The following TRIM44 variants were observed in gnomAD, a reference collection of about 807,000 sequenced individuals.
TRIM44 encodes tripartite motif-containing protein 44.
Under a neutral mutation model 37.4 loss-of-function variants are expected in TRIM44, and 13 were observed. The observed-to-expected ratio is 0.35, with a 90% CI of 0.23 to 0.55. The LOEUF is 0.55. TRIM44 is among the 20% of genes least tolerant of loss of function. The pLI is 0.89. For synonymous variants in TRIM44, 175 were observed against 157.2 expected (o/e 1.11, Z -0.85); for missense variants, 426 against 437.2 (o/e 0.97, Z 0.23).
At chr11:35,684,139 C>T (rs1197968794) in intron 1 of TRIM44, among the ~76,000 whole-genome samples, 1 of 152,076 alleles carries the variant, frequency 6.6e-6, no homozygotes, top group Non-Finnish European at 1.5e-5. Context: ...AGTCTGTGCT[C>T]TAAATCTGTA....
intron 2 of TRIM44, among the ~76,000 whole-genome samples, chr11:35,710,256 G>T (rs1034284288): frequency 5.9e-5 from 9 of 152,256 alleles, no homozygotes; most frequent in African/African-American, 2.2e-4. Context: ...TATATATAGA[G>T]AGAGAGCTTT....
intron 4 of TRIM44, among the ~76,000 whole-genome samples, chr11:35,800,877 C>G (rs1308502030): frequency 6.6e-6 from 1 of 152,178 alleles, no homozygotes; most frequent in African/African-American, 2.4e-5. Flanking sequence ...ATCCTAATTT[C>G]CCAGATAAGG....
intron 2 of TRIM44, among the ~76,000 whole-genome samples, chr11:35,702,891 G>A (rs1851810444): frequency 6.6e-6 from 1 of 152,242 alleles, no homozygotes; most frequent in African/African-American, 2.4e-5. Flanking sequence ...ACTAGGGAGT[G>A]CCAGACAGTG....
chr11:35,734,943 C>CCTTT (rs1437866971), intron 3 of TRIM44, among the ~76,000 whole-genome samples: 3 of 152,098 alleles, frequency 2.0e-5, no homozygotes, highest in Non-Finnish European at 4.4e-5. Context: ...TTCTTGAGTC[C>CCTTT]CAGTTCAGTG....
At chr11:35,778,462 G>A (rs1210103632) in intron 4 of TRIM44, among the ~76,000 whole-genome samples, 1 of 152,128 alleles carries the variant, frequency 6.6e-6, no homozygotes, top group Non-Finnish European at 1.5e-5. Context: ...CTTCTCTCAA[G>A]TCGTCAAAGT....
At chr11:35,670,660 C>T (rs919314088) in intron 1 of TRIM44, among the ~76,000 whole-genome samples, 3 of 152,144 alleles carry the variant, frequency 2.0e-5, no homozygotes, top group African/African-American at 7.2e-5. Flanking sequence ...CCGTGTTTTT[C>T]AACTCTAGAA....
At chr11:35,681,204 C>G (rs986328676) in intron 1 of TRIM44, among the ~76,000 whole-genome samples, 3 of 152,112 alleles carry the variant, frequency 2.0e-5, no homozygotes, top group African/African-American at 2.4e-5. Context: ...TATAAGCGCT[C>G]TGAGCTTTGG....
intron 2 of TRIM44, among the ~76,000 whole-genome samples, chr11:35,701,076 G>A (rs1851781880): frequency 6.6e-6 from 1 of 152,084 alleles, no homozygotes; most frequent in South Asian, 2.1e-4. Context: ...ACAGGGCCGG[G>A]AAAGCATGCA....
At chr11:35,767,518 G>T (rs1161320629) in intron 4 of TRIM44, among the ~76,000 whole-genome samples, 1 of 152,054 alleles carries the variant, frequency 6.6e-6, no homozygotes, top group Non-Finnish European at 1.5e-5. Context: ...TGTCTTTTCT[G>T]TGGTTGTATT....
intron 4 of TRIM44, among the ~76,000 whole-genome samples, chr11:35,749,340 C>T (rs1219044766): frequency 1.3e-5 from 2 of 151,384 alleles, no homozygotes; most frequent in Non-Finnish European, 2.9e-5. Context: ...ATAAAACTTA[C>T]CCAGTCCTTC....
chr11:35,759,087 C>A (rs1267234288), intron 4 of TRIM44, among the ~76,000 whole-genome samples: 2 of 152,176 alleles, frequency 1.3e-5, no homozygotes, highest in South Asian at 2.1e-4. Context: ...TAATATCCTG[C>A]AGAGTGTTTT....
At position 35,813,772 on chromosome 11, in the gene TRIM44, G is replaced by GT. The variant is rs760510949; in HGVS notation, c.*7389dup. 1.1e-4 allele frequency: 16 copies of GT among 151,410 alleles called. No individual in the cohort carries two copies. The highest frequency in any genetic ancestry group is 3.9e-4 in the Admixed American group (6 of 15,198). The allele number at this position is 151,410 out of a possible 1,614,324, so 9.4% of individuals were successfully genotyped here. On this transcript the variant is annotated 3_prime_UTR_variant, in exon 5 of 5. Transcript: ENST00000299413. ...TTTTAGAAATATTTACATCCCAATG[G>GT]TTAAAAAAAAAAACTTTTAGGAATT...
chr11:35,753,716 G>A (rs1488430278), intron 4 of TRIM44, among the ~76,000 whole-genome samples: 1 of 151,996 alleles, frequency 6.6e-6, no homozygotes, highest in Non-Finnish European at 1.5e-5. Flanking sequence ...TGAGAATATA[G>A]TTGCCAAATT....
chr11:35,669,335 T>G (rs1425174350), intron 1 of TRIM44, among the ~76,000 whole-genome samples: 1 of 152,200 alleles, frequency 6.6e-6, no homozygotes, highest in African/African-American at 2.4e-5. Flanking sequence ...CTCTGTTTTG[T>G]TAACCTCTCT....
intron 2 of TRIM44, among the ~76,000 whole-genome samples, chr11:35,724,714 A>G (rs1039895706): frequency 1.3e-5 from 2 of 152,178 alleles, no homozygotes; most frequent in African/African-American, 2.4e-5. Context: ...TTTGGTTTGC[A>G]GTTGTTATAA....
At chr11:35,676,729 T>C (rs1197458265) in intron 1 of TRIM44, among the ~76,000 whole-genome samples, 1 of 152,232 alleles carries the variant, frequency 6.6e-6, no homozygotes, top group African/African-American at 2.4e-5. Flanking sequence ...GCACCCATAC[T>C]ATTTTCCTCT....
intron 3 of TRIM44, among the ~76,000 whole-genome samples, chr11:35,730,888 C>T (rs115554838): frequency 0.014 from 1,840 of 130,964 alleles, 40 homozygotes; most frequent in African/African-American, 0.05. Flanking sequence ...GGTTTGCTGT[C>T]GCCCAGGCTG....
intron 2 of TRIM44, among the ~76,000 whole-genome samples, chr11:35,699,008 G>T (rs1302741672): frequency 1.4e-4 from 21 of 146,380 alleles, no homozygotes; most frequent in African/African-American, 2.0e-4. Flanking sequence ...CATATGGCTA[G>T]CCAGTTTTCC....
intron 2 of TRIM44, among the ~76,000 whole-genome samples, chr11:35,705,521 T>C (rs1278764582): frequency 6.6e-6 from 1 of 152,252 alleles, no homozygotes; most frequent in African/African-American, 2.4e-5. Context: ...AGTAAAGCTC[T>C]CCTCAGCAAA....
Sources: gnomAD v4.1 joint callset for allele counts (sites outside exome capture counted in the v4.1 genomes callset) on GRCh38, gnomAD v4.1.1 for gene constraint, MANE v1.5 for transcripts, NCBI Gene and HGNC (gene_info 2026-07-23, HGNC 2026-07-21) for gene names.